Variants in KIF6 observed in about 807,000 individuals in gnomAD.
The protein encoded by KIF6 is kinesin-like protein KIF6.
In KIF6, 106 loss-of-function variants were observed where a neutral mutation model predicts 112.7. The ratio of observed to expected loss-of-function variants is 0.94; its 90% CI spans 0.80 to 1.11. The LOEUF is 1.11. Among genes scored for constraint, KIF6 ranks in the 50% least tolerant of loss-of-function variants. The pLI is 0.00. For synonymous variants in KIF6, 339 were observed against 339.9 expected (o/e 1.00, Z 0.03); for missense variants, 929 against 964.0 (o/e 0.96, Z 0.48).
chr6:39,346,018 T>C (rs1406254217), intron 20 of KIF6, among the ~76,000 whole-genome samples: 2 of 143,276 alleles, frequency 1.4e-5, no homozygotes, highest in Non-Finnish European at 3.0e-5. Flanking sequence ...AGTGTCCTTA[T>C]AGGTATAAGA....
In KIF6 at chr6:39,343,561, C is replaced by T; in HGVS notation, c.2428+148G>A. 3.1e-6 allele frequency: 4 copies of T among 1,296,082 alleles called. No homozygotes were observed. In the South Asian group the frequency reaches 4.3e-5, roughly 14 times the overall value. 80.3% of individuals were successfully genotyped at this position (1,296,082 alleles called of 1,614,324 possible). ...GGCTTTCTCGAGAAGGAATCAGAGG[C>T]TGGGCACATGTGACTGACAGGCAGG... On this transcript the variant is annotated intron_variant, in intron 22 of 22. Coordinates refer to ENST00000287152, the MANE Select transcript of KIF6 (RefSeq NM_145027.6). The surrounding 1 kb of genome is among the most constrained non-coding windows in gnomAD (Gnocchi z 4.1).
intron 13 of KIF6, among the ~76,000 whole-genome samples, chr6:39,537,780 C>G (rs1332452585): frequency 1.3e-5 from 2 of 152,162 alleles, no homozygotes; most frequent in Non-Finnish European, 2.9e-5. Flanking sequence ...GCCAAAAGAA[C>G]AAAGCTGGAG....
chr6:39,565,770 A>T (rs1780244182), intron 10 of KIF6, among the ~76,000 whole-genome samples: 1 of 152,232 alleles, frequency 6.6e-6, no homozygotes, highest in African/African-American at 2.4e-5. Context: ...TCACAATTTC[A>T]TAAAACATTT....
rs1768527764 is a variant in KIF6 at position 39,399,502 on chromosome 6, T to C, written c.1811-13830A>G. On this transcript the variant is annotated intron_variant, in intron 15 of 22. Transcript: ENST00000287152. ...TGCTTTTGAGGAAAGATGGAACAAG[T>C]TGTTGGTCACTGGGGGGAGTCCCAC... is the stretch of plus-strand genomic sequence containing the variant. Among the ~76,000 whole-genome samples, 3 of 152,326 alleles carry C rather than the reference T, an allele frequency of 2.0e-5. No individual in the cohort carries two copies. The South Asian group carries it at 6.2e-4, about 32-fold the overall frequency.
intron 19 of KIF6, among the ~76,000 whole-genome samples, chr6:39,352,068 T>C (rs1049011895): frequency 4.0e-4 from 61 of 152,272 alleles, no homozygotes; most frequent in African/African-American, 1.4e-3. Context: ...TGCCATGGCA[T>C]AGTGCAGCTG....
chr6:39,346,104 C>T (rs1194621688), intron 20 of KIF6, among the ~76,000 whole-genome samples: 25 of 40,974 alleles, frequency 6.1e-4, no homozygotes, highest in East Asian at 1.5e-3. Context: ...TCTCCCTCCC[C>T]CCCTCCCTCT....
At chr6:39,548,423 C>T (rs981497384) in intron 10 of KIF6, among the ~76,000 whole-genome samples, 6 of 152,166 alleles carry the variant, frequency 3.9e-5, no homozygotes, top group South Asian at 4.1e-4. Flanking sequence ...AAGAACTGAT[C>T]GCTTTACTCT....
intron 10 of KIF6, among the ~76,000 whole-genome samples, chr6:39,568,913 T>C (rs1445749197): frequency 6.6e-6 from 1 of 152,184 alleles, no homozygotes; most frequent in Non-Finnish European, 1.5e-5. Context: ...TTTCAAACAA[T>C]CTTCAATAGA....
intron 11 of KIF6, 49 bp from the exon 12 acceptor site, chr6:39,544,742 C>A (rs1778977476): frequency 1.7e-6 from 2 of 1,143,836 alleles, no homozygotes; most frequent in South Asian, 3.1e-5. Flanking sequence ...GTCCAAATTT[C>A]TTTGTTTCTT....
intron 5 of KIF6, among the ~76,000 whole-genome samples, chr6:39,626,465 G>A (rs530219729): frequency 3.3e-5 from 5 of 152,222 alleles, no homozygotes; most frequent in Non-Finnish European, 7.4e-5. Context: ...ATGTTTAATG[G>A]AACACGGTTA....
chr6:39,602,992 A>G (rs1325127743), intron 6 of KIF6, among the ~76,000 whole-genome samples: 2 of 152,226 alleles, frequency 1.3e-5, no homozygotes, highest in Admixed American at 6.5e-5. Context: ...ACCCTGGAAC[A>G]ATCCAAAAAA....
intron 3 of KIF6, among the ~76,000 whole-genome samples, chr6:39,643,456 C>T (rs775382031): frequency 2.3e-4 from 35 of 152,182 alleles, no homozygotes; most frequent in Non-Finnish European, 3.5e-4. Flanking sequence ...CAGAGGGATA[C>T]TGGCATAAGG....
At chr6:39,629,985 C>A (rs770282541) in intron 5 of KIF6, among the ~76,000 whole-genome samples, 22 of 152,056 alleles carry the variant, frequency 1.4e-4, no homozygotes, top group Non-Finnish European at 2.9e-4. Flanking sequence ...TGTCAAAAAT[C>A]AGTTGACTAT....
intron 5 of KIF6, among the ~76,000 whole-genome samples, chr6:39,625,176 T>C (rs1784027905): frequency 6.6e-6 from 1 of 152,174 alleles, no homozygotes; most frequent in Non-Finnish European, 1.5e-5. Flanking sequence ...TAAGTGTCTG[T>C]TGTTTAAGCT....
chr6:39,634,078 A>C (rs1273842929), intron 5 of KIF6, among the ~76,000 whole-genome samples: 2 of 152,174 alleles, frequency 1.3e-5, no homozygotes, highest in Non-Finnish European at 2.9e-5. Context: ...ATTAAAATAA[A>C]CAACTGATTT....
Position 39,342,956 on chromosome 6 carries a change from T to TGGCAATGTGAA in KIF6, c.2428+742_2428+752dup. 1 of 985,454 alleles carries TGGCAATGTGAA rather than the reference T, an allele frequency of 1.0e-6. No individual in the cohort carries two copies. The highest frequency in any genetic ancestry group is 1.2e-6 in the Non-Finnish European group (1 of 829,936). The allele number at this position is 985,454 out of a possible 1,614,324, so 61.0% of individuals were successfully genotyped here. On this transcript the variant is annotated intron_variant, in intron 22 of 22. Transcript: ENST00000287152. This position sits in a 1 kb window ranked among gnomAD's most constrained non-coding sequence, Gnocchi z 4.7. ...TACCATCACGGTGGGGGCGCCTTTC[T>TGGCAATGTGAA]GGCAATGTGAAGGCAATGTTAAGCC...
At position 39,464,472 on chromosome 6, in the gene KIF6, C is replaced by T. The variant is rs79042916; in HGVS notation, c.1646-33311G>A. Among the ~76,000 whole-genome samples the T allele has an allele frequency of 8.9e-3, 1,361 of 152,292 alleles. 29 individuals are homozygous for T. The highest frequency in any genetic ancestry group is 0.03 in the African/African-American group (1,239 of 41,558). ...TAAACCTGTGCACTAACTTAAGGGT[C>T]CCAGTGAAGTGTCCCTACTTTTGGA... On this transcript the variant is annotated intron_variant, in intron 13 of 22. Coordinates refer to ENST00000287152, the MANE Select transcript of KIF6 (RefSeq NM_145027.6).
At chr6:39,678,039 A>C (rs572107030) in intron 3 of KIF6, among the ~76,000 whole-genome samples, 1 of 152,178 alleles carries the variant, frequency 6.6e-6, no homozygotes, top group East Asian at 1.9e-4. Flanking sequence ...CAGCCAAAAA[A>C]CACATGAAGA....
Position 39,431,078 on chromosome 6 carries a change from C to T in KIF6, c.1729G>A (p.Asp577Asn). ...RDHADSVTIDDNKQILKQRFS... is the reference protein window; with the variant it reads ...RDHADSVTIDNNKQILKQRFS... ...CTCTGTTTCAGAATCTGTTTGTTGT[C>T]ATCGATGGTAACGCTGTCAGCGTGG... is the stretch of plus-strand genomic sequence containing the variant. The change falls in exon 14 of 23, where the codon GAC (aspartate) becomes AAC (asparagine). Residue 577 changes from aspartate to asparagine, a missense_variant. By Grantham distance (23) the Asp-to-Asn change is conservative. Transcript: ENST00000287152. 2 of 1,612,804 alleles carry T rather than the reference C, an allele frequency of 1.2e-6. No homozygotes were observed. The highest frequency in any genetic ancestry group is 1.7e-6 in the Non-Finnish European group (2 of 1,178,884).
Sources: allele counts gnomAD v4.1 joint callset (sites outside exome capture counted in the v4.1 genomes callset), GRCh38; gene constraint gnomAD v4.1.1; non-coding constraint Gnocchi (gnomAD v3.1); transcripts MANE v1.5; gene names NCBI Gene and HGNC (gene_info 2026-07-23, HGNC 2026-07-21).